Variants in HAVCR1 observed in about 807,000 individuals in gnomAD.
HAVCR1 encodes T cell immunoglobin domain and mucin domain protein 1.
In HAVCR1, 34 loss-of-function variants were observed where a neutral mutation model predicts 32.0. The ratio of observed to expected loss-of-function variants is 1.06; its 90% CI spans 0.81 to 1.42. The LOEUF (loss-of-function observed/expected upper bound fraction) is 1.42, where lower values mean the gene tolerates loss of function less well. Among genes scored for constraint, HAVCR1 ranks in the 40% most tolerant of loss-of-function variants. The probability of loss-of-function intolerance (pLI) is 0.00; values close to 1 mark genes in which losing one functional copy is unlikely to be tolerated. For synonymous variants in HAVCR1, 178 were observed against 170.3 expected (o/e 1.05, Z -0.35); for missense variants, 420 against 442.3 (o/e 0.95, Z 0.45).
chr5:157,039,868 T>C (rs1754770194), intron 6 of HAVCR1, among the ~76,000 whole-genome samples: 1 of 152,178 alleles, frequency 6.6e-6, no homozygotes, highest in Non-Finnish European at 1.5e-5. Flanking sequence ...TCAAGATACC[T>C]GGGAGAAGAC....
chr5:157,061,437 A>G (rs533429110), upstream of HAVCR1, among the ~76,000 whole-genome samples: 172 of 152,314 alleles, frequency 1.1e-3, no homozygotes, highest in Non-Finnish European at 1.5e-3. Flanking sequence ...TGTTGAAGCC[A>G]GGCATGGTTG....
At chr5:157,063,333 T>C (rs1429828496), upstream of HAVCR1, among the ~76,000 whole-genome samples, 1 of 148,490 alleles carries the variant, frequency 6.7e-6, no homozygotes, top group Admixed American at 6.8e-5. Flanking sequence ...TTGCCCAGGC[T>C]GGAGGGCAAT....
At chr5:157,054,204 A>C (rs978944616) in intron 3 of HAVCR1, among the ~76,000 whole-genome samples, 57 of 151,176 alleles carry the variant, frequency 3.8e-4, no homozygotes, top group African/African-American at 1.2e-3. Flanking sequence ...AAAAAAAAAA[A>C]AAAAAAAAAC....
At chr5:157,044,834 G>A (rs1038613610) in intron 5 of HAVCR1, among the ~76,000 whole-genome samples, 10 of 42,190 alleles carry the variant, frequency 2.4e-4, no homozygotes, top group Non-Finnish European at 3.7e-4. Context: ...AAAACAGCAC[G>A]GACCGGAGTC....
chr5:157,061,113 G>C (rs1461727959), upstream of HAVCR1, among the ~76,000 whole-genome samples: 1 of 152,004 alleles, frequency 6.6e-6, no homozygotes, highest in African/African-American at 2.4e-5. Context: ...GGCCAGGCTG[G>C]GCTGGAACTC....
chr5:157,063,276 G>A (rs1756528789), upstream of HAVCR1, among the ~76,000 whole-genome samples: 1 of 146,634 alleles, frequency 6.8e-6, no homozygotes, highest in Admixed American at 7.3e-5. Context: ...CTGGCCTCAT[G>A]TAACTTACAT....
At chr5:157,064,339 C>CAAAAAAAAAAAAA in the HAVCR1 span, among the ~76,000 whole-genome samples, 1 of 63,370 alleles carries the variant, frequency 1.6e-5, no homozygotes, top group African/African-American at 4.5e-5. Flanking sequence ...CCTGTCTCTA[C>CAAAAAAAAAAAAA]AAAAAAAAAA....
chr5:157,053,654 G>A (rs1316710150), intron 3 of HAVCR1, among the ~76,000 whole-genome samples: 1 of 152,150 alleles, frequency 6.6e-6, no homozygotes, highest in African/African-American at 2.4e-5. Flanking sequence ...TAGACTGCCT[G>A]AGGTCAGGAG....
Position 157,033,393 on chromosome 5 carries a change from A to G in HAVCR1, c.953-506T>C, listed in dbSNP as rs184094785. Among the ~76,000 whole-genome samples, 10 of 152,266 alleles carry G rather than the reference A, an allele frequency of 6.6e-5. No homozygotes were observed. The East Asian group carries it at 1.9e-3, about 29-fold the overall frequency. The stretch of plus-strand genomic sequence containing the variant: ...TTTTGAGGTTGTTAGGGCTCAGAAT[A>G]CAATACCCTCAAATAGGCTTCTTTG... On this transcript the variant is annotated intron_variant, in intron 7 of 8. Transcript: ENST00000523175.
chr5:157,052,947 C>T (rs573846215), intron 3 of HAVCR1, among the ~76,000 whole-genome samples: 1 of 152,312 alleles, frequency 6.6e-6, no homozygotes, highest in African/African-American at 2.4e-5. Flanking sequence ...CAGGGTCTCA[C>T]TCTGTCATCC....
At chr5:157,047,542 G>C (rs1221223317) in intron 5 of HAVCR1, among the ~76,000 whole-genome samples, 1 of 140,484 alleles carries the variant, frequency 7.1e-6, no homozygotes, top group African/African-American at 2.6e-5. Flanking sequence ...GACAGAGCAA[G>C]ACTCCGTCTC....
chr5:157,042,757 A>C, intron 5 of HAVCR1, 75 bp from the exon 6 acceptor site: 1 of 877,296 alleles, frequency 1.1e-6, no homozygotes, highest in Non-Finnish European at 1.9e-6. Context: ...AAATATATTC[A>C]CATTACCTTC....
chr5:157,061,614 A>G (rs1204563926), upstream of HAVCR1, among the ~76,000 whole-genome samples: 4 of 151,944 alleles, frequency 2.6e-5, no homozygotes, highest in African/African-American at 4.8e-5. Flanking sequence ...GGCTGAGGCA[A>G]GAGAATCGCC....
intron 8 of HAVCR1, among the ~76,000 whole-genome samples, chr5:157,032,259 CTG>C (rs1197097749): frequency 1.3e-5 from 2 of 152,160 alleles, no homozygotes; most frequent in African/African-American, 4.8e-5. Flanking sequence ...TGGCTCATGT[CTG>C]TAATTCCAGC....
intron 6 of HAVCR1, among the ~76,000 whole-genome samples, chr5:157,040,376 C>T (rs1754815305): frequency 6.6e-6 from 1 of 152,044 alleles, no homozygotes; most frequent in Non-Finnish European, 1.5e-5. Context: ...AATCTAGCCA[C>T]ACGTCAACAC....
At chr5:157,068,159 AACTAC>A in the HAVCR1 span, among the ~76,000 whole-genome samples, 15 of 152,152 alleles carry the variant, frequency 9.9e-5, no homozygotes, top group Non-Finnish European at 1.3e-4. Context: ...TTCTAGTCCC[AACTAC>A]TCAGGAGGCT....
chr5:157,044,421 G>GAAGGAGAAAGAAAAGAA (rs1554090350), intron 5 of HAVCR1, among the ~76,000 whole-genome samples: 1 of 33,770 alleles, frequency 3.0e-5, no homozygotes, highest in East Asian at 8.1e-4. Context: ...AGGAAGGAAG[G>GAAGGAGAAAGAAAAGAA]AGAAAGAAAG....
intron 5 of HAVCR1, among the ~76,000 whole-genome samples, chr5:157,042,962 C>G (rs1166129220): frequency 6.6e-6 from 1 of 152,014 alleles, no homozygotes; most frequent in Non-Finnish European, 1.5e-5. Context: ...TGAATTTTAT[C>G]TACTATTTTA....
chr5:157,056,788 AT>A (rs948887691), intron 2 of HAVCR1, among the ~76,000 whole-genome samples: 1 of 152,174 alleles, frequency 6.6e-6, no homozygotes, highest in South Asian at 2.1e-4. Flanking sequence ...ATGAGAGATT[AT>A]TTTTCCCCCA....
Sources: allele counts gnomAD v4.1 joint callset (sites outside exome capture counted in the v4.1 genomes callset), GRCh38; gene constraint gnomAD v4.1.1; transcripts MANE v1.5; gene names NCBI Gene and HGNC (gene_info 2026-07-23, HGNC 2026-07-21).